CCDC63: variants seen among roughly 807,000 people sequenced by gnomAD.
CCDC63 encodes the protein coiled-coil domain-containing protein 63.
A neutral mutation model predicts 63.6 loss-of-function variants in CCDC63; 54 were observed. That is an observed-to-expected ratio of 0.85 (90% CI 0.68 to 1.07). The LOEUF (loss-of-function observed/expected upper bound fraction) is 1.07. CCDC63 is among the 50% of genes least tolerant of loss of function. The probability of loss-of-function intolerance (pLI) is 0.00; values close to 1 mark genes in which losing one functional copy is unlikely to be tolerated. For missense variants in CCDC63, 637 were observed against 689.6 expected, an observed-to-expected ratio of 0.92 and a Z score of 0.86; for synonymous variants, 253 against 266.1, an observed-to-expected ratio of 0.95 and a Z score of 0.48.
chr12:110,867,692 C>T lies in CCDC63; in HGVS notation c.370-6150C>T, dbSNP rs1342697329. ...TCACCTCCCAGACGGGGCGGCTGGCCGGGCGGAGGGCTGACCCCCCCACCT... is the reference window on the plus strand; with the variant it reads ...TCACCTCCCAGACGGGGCGGCTGGCTGGGCGGAGGGCTGACCCCCCCACCT... On this transcript the variant is annotated intron_variant, in intron 4 of 11. Coordinates refer to ENST00000308208, the MANE Select transcript of CCDC63 (RefSeq NM_152591.3). Among the ~76,000 whole-genome samples, 5 of 105,888 alleles carry T rather than the reference C, an allele frequency of 4.7e-5. No homozygotes were observed. The East Asian group carries it at 1.1e-3, about 22-fold the overall frequency. The allele number at this position is 105,888 out of a possible 152,430, so 69.5% of individuals were successfully genotyped here.
chr12:110,867,763 A>G, intron 4 of CCDC63, among the ~76,000 whole-genome samples: 1 of 134,246 alleles, frequency 7.4e-6, no homozygotes, highest in African/African-American at 2.9e-5. Flanking sequence ...TGACCCCCCC[A>G]TCTCCCTCCC....
intron 9 of CCDC63, among the ~76,000 whole-genome samples, chr12:110,895,069 A>G (rs1040477006): frequency 3.3e-5 from 5 of 149,720 alleles, no homozygotes; most frequent in Admixed American, 6.7e-5. Flanking sequence ...GCACACCACC[A>G]TGCCGAGATA....
intron 11 of CCDC63, 145 bp downstream of exon 11, chr12:110,904,936 C>G: frequency 1.8e-6 from 1 of 560,464 alleles, no homozygotes. Flanking sequence ...CCTGCCAGTT[C>G]CCTTGGGTGC....
At chr12:110,854,320 T>C (rs932434993) in intron 3 of CCDC63, among the ~76,000 whole-genome samples, 1 of 131,630 alleles carries the variant, frequency 7.6e-6, no homozygotes, top group African/African-American at 2.7e-5. Context: ...GAGATGGAGT[T>C]TCACTGTTGT....
chr12:110,904,007 T>C (rs1303173275), intron 10 of CCDC63, among the ~76,000 whole-genome samples: 1 of 152,190 alleles, frequency 6.6e-6, no homozygotes, highest in Non-Finnish European at 1.5e-5. Context: ...CATTTTAATA[T>C]CATTGAGATA....
At chr12:110,896,985 C>G (rs1037634718) in intron 9 of CCDC63, among the ~76,000 whole-genome samples, 4 of 152,344 alleles carry the variant, frequency 2.6e-5, no homozygotes, top group African/African-American at 7.2e-5. Context: ...GAAGCTGATG[C>G]TGCTTGTCCT....
Position 110,884,175 on chromosome 12 carries a change from T to C in CCDC63, c.999T>C (p.Asn333=). Residue 333 remains asparagine (N), a synonymous_variant, in exon 8 of 12, where the codon AAT becomes AAC. Transcript: ENST00000308208. The part of the protein sequence containing the change: ...IEDFLAKEEK[N]FARFTYVTEL... ...ATTTTCTGGCCAAGGAGGAGAAGAATTTTGCTCGGTTCACGTATGTCACGG... is the reference window on the plus strand; with the variant it reads ...ATTTTCTGGCCAAGGAGGAGAAGAACTTTGCTCGGTTCACGTATGTCACGG... 6.2e-7 allele frequency: 1 copy of C among 1,614,022 alleles called. No homozygotes were observed. The highest frequency in any genetic ancestry group is 8.5e-7 in the Non-Finnish European group (1 of 1,180,012).
chr12:110,864,423 T>TAAAA (rs35404744), intron 4 of CCDC63, among the ~76,000 whole-genome samples: 2 of 124,632 alleles, frequency 1.6e-5, no homozygotes, highest in Admixed American at 1.6e-4. Flanking sequence ...GACCCTGTCT[T>TAAAA]AAAAAAAAAA....
intron 4 of CCDC63, among the ~76,000 whole-genome samples, chr12:110,868,732 A>AGG (rs1423695117): frequency 1.4e-4 from 6 of 42,196 alleles, no homozygotes; most frequent in Non-Finnish European, 2.2e-4. Context: ...AGGGAGAGGG[A>AGG]GGGAGAGGGA....
chr12:110,873,772 G>C, intron 4 of CCDC63, 70 bp from the exon 5 acceptor site: 1 of 1,560,346 alleles, frequency 6.4e-7, no homozygotes, highest in Admixed American at 1.8e-5. Context: ...ACTTCAGTTA[G>C]TGAACTGTAG....
At position 110,873,910 on chromosome 12, in the gene CCDC63, C is replaced by A. The variant is rs775607723; in HGVS notation, c.438C>A (p.Asn146Lys). ...QIFAKMQEAN[N>K]PRKLQKQIHI... ...TCGCAAAAATGCAGGAGGCCAATAACCCCCGGAAACTGCAGAAACAGATTC... is the reference window on the plus strand; with the variant it reads ...TCGCAAAAATGCAGGAGGCCAATAAACCCCGGAAACTGCAGAAACAGATTC... Residue 146 changes from asparagine to lysine, a missense_variant, in exon 5 of 12, where the codon AAC (asparagine) becomes AAA (lysine). Physicochemically the swap from Asn to Lys is moderately conservative, Grantham distance 94. Transcript: ENST00000308208. 23 of 1,612,296 alleles carry A rather than the reference C, an allele frequency of 1.4e-5. No individual in the cohort carries two copies. The highest frequency in any genetic ancestry group is 1.9e-5 in the Non-Finnish European group (23 of 1,179,534).
chr12:110,859,739 G>C (rs1212034120), intron 4 of CCDC63, among the ~76,000 whole-genome samples: 1 of 152,104 alleles, frequency 6.6e-6, no homozygotes, highest in Non-Finnish European at 1.5e-5. Context: ...CCACAAAGGG[G>C]TCCGGGAAGG....
chr12:110,900,194 C>T (rs113895042), intron 10 of CCDC63, among the ~76,000 whole-genome samples: 2,436 of 152,102 alleles, frequency 0.016, 58 homozygotes, highest in African/African-American at 0.056. Context: ...GCCTGGGTAA[C>T]AGAGCAAGAC....
At chr12:110,855,397 A>G (rs1232418052) in intron 3 of CCDC63, among the ~76,000 whole-genome samples, 1 of 152,170 alleles carries the variant, frequency 6.6e-6, no homozygotes, top group Non-Finnish European at 1.5e-5. Flanking sequence ...TCTGGTGGGC[A>G]TCAGGAAATG....
intron 1 of CCDC63, among the ~76,000 whole-genome samples, chr12:110,847,395 T>C (rs920329895): frequency 6.6e-6 from 1 of 151,638 alleles, no homozygotes; most frequent in Non-Finnish European, 1.5e-5. Context: ...CTTTACAAAA[T>C]ATTTAAAAAC....
chr12:110,902,708 A>G (rs1334668001), intron 10 of CCDC63, among the ~76,000 whole-genome samples: 1 of 151,950 alleles, frequency 6.6e-6, no homozygotes, highest in African/African-American at 2.4e-5. Context: ...TTTGGTTGCC[A>G]ATATTATTTA....
At chr12:110,869,360 C>T (rs1340452031) in intron 4 of CCDC63, among the ~76,000 whole-genome samples, 1 of 152,102 alleles carries the variant, frequency 6.6e-6, no homozygotes, top group African/African-American at 2.4e-5. Flanking sequence ...CCTTTACCTA[C>T]CAGGGTTCCA....
At chr12:110,847,655 AAAC>A (rs944740512) in intron 1 of CCDC63, among the ~76,000 whole-genome samples, 99 of 152,262 alleles carry the variant, frequency 6.5e-4, no homozygotes, top group African/African-American at 1.9e-3. Context: ...AAAACAAGAA[AAAC>A]AACAACAACA....
At chr12:110,896,849 T>A (rs2071420968) in intron 9 of CCDC63, among the ~76,000 whole-genome samples, 1 of 152,186 alleles carries the variant, frequency 6.6e-6, no homozygotes, top group Non-Finnish European at 1.5e-5. Context: ...CTTCTCAGAC[T>A]TTACTGTGCA....
Sources: allele counts gnomAD v4.1 joint callset (sites outside exome capture counted in the v4.1 genomes callset), GRCh38; gene constraint gnomAD v4.1.1; transcripts MANE v1.5; gene names NCBI Gene and HGNC (gene_info 2026-07-23, HGNC 2026-07-21).